LRIG2: variants seen among roughly 807,000 people sequenced by gnomAD.
LRIG2 encodes leucine-rich repeats and immunoglobulin-like domains protein 2.
In LRIG2, 93 loss-of-function variants were observed where a neutral mutation model predicts 107.8. The observed-to-expected ratio is 0.86, with a 90% CI of 0.73 to 1.03. The LOEUF (loss-of-function observed/expected upper bound fraction) is 1.03. Ranked by LOEUF, LRIG2 falls within the 50% of genes least tolerant of loss-of-function variation. The probability of loss-of-function intolerance (pLI) is 0.00; values close to 1 mark genes in which losing one functional copy is unlikely to be tolerated. For missense variants in LRIG2, 1,226 were observed against 1,296.0 expected (o/e 0.95, Z 0.83); for synonymous variants, 471 against 470.6 (o/e 1.00, Z -0.01).
chr1:113,073,889 A>G (rs1652830272), intron 1 of LRIG2, among the ~76,000 whole-genome samples: 1 of 149,090 alleles, frequency 6.7e-6, no homozygotes, highest in Admixed American at 6.9e-5. Flanking sequence ...GGAGTCTGTG[A>G]TTTCCTCAAC....
At chr1:113,082,678 A>G (rs1653341815) in intron 1 of LRIG2, among the ~76,000 whole-genome samples, 1 of 152,060 alleles carries the variant, frequency 6.6e-6, no homozygotes, top group South Asian at 2.1e-4. Flanking sequence ...ATTTGAGACG[A>G]AGTCTCTCTC....
At chr1:113,117,805 A>G (rs1029144489) in intron 16 of LRIG2, among the ~76,000 whole-genome samples, 1 of 151,846 alleles carries the variant, frequency 6.6e-6, no homozygotes, top group Non-Finnish European at 1.5e-5. Flanking sequence ...TTAAAAGAAT[A>G]CTTAAAAGTC....
At chr1:113,120,209 G>A (rs941475416) in intron 17 of LRIG2, among the ~76,000 whole-genome samples, 1 of 151,796 alleles carries the variant, frequency 6.6e-6, no homozygotes, top group Non-Finnish European at 1.5e-5. Flanking sequence ...TAGCACTTTC[G>A]GAGGCCAAAG....
At chr1:113,102,381 G>T (rs754278563) in intron 11 of LRIG2, among the ~76,000 whole-genome samples, 2 of 151,528 alleles carry the variant, frequency 1.3e-5, no homozygotes, top group Non-Finnish European at 2.9e-5. Context: ...TGATTCTCCT[G>T]CCTCAGCCCC....
At chr1:113,110,096 G>T in intron 12 of LRIG2, 146 bp from the exon 13 acceptor site, 1 of 597,122 alleles carries the variant, frequency 1.7e-6, no homozygotes, top group Non-Finnish European at 2.9e-6. Flanking sequence ...TTAAACAAGG[G>T]AATTGGACTG....
chr1:113,085,358 A>AAGC, intron 1 of LRIG2, among the ~76,000 whole-genome samples: 1 of 152,290 alleles, frequency 6.6e-6, no homozygotes, highest in East Asian at 1.9e-4. Context: ...ATCTCTGCTC[A>AAGC]CCGCAACCTC....
intron 16 of LRIG2, among the ~76,000 whole-genome samples, chr1:113,117,582 C>G (rs939179577): frequency 6.6e-6 from 1 of 151,946 alleles, no homozygotes; most frequent in Non-Finnish European, 1.5e-5. Context: ...CTCCCAGGTT[C>G]AAGCGATTCC....
chr1:113,095,040 TCTC>T (rs1653995410), intron 6 of LRIG2, among the ~76,000 whole-genome samples: 1 of 151,638 alleles, frequency 6.6e-6, no homozygotes, highest in Non-Finnish European at 1.5e-5. Context: ...AATGGCGTGA[TCTC>T]AGCTCCTGCA....
At position 113,073,248 on chromosome 1, in the gene LRIG2, T is replaced by G. The variant is rs1290896719; in HGVS notation, c.-159T>G. 11 of 662,130 alleles carry G rather than the reference T, an allele frequency of 1.7e-5. No individual in the cohort carries two copies. The highest frequency in any genetic ancestry group is 2.7e-5 in the Non-Finnish European group (10 of 376,724). The allele number at this position is 662,130 out of a possible 1,614,324, so 41.0% of individuals were successfully genotyped here. On this transcript the variant is annotated 5_prime_UTR_variant, in exon 1 of 18. Transcript: ENST00000361127. ...GTGTCCCAGGCCGTCGACCCCGCTGTCGCGCTGCGTCTGCTCCTTGCATGC... is the reference window on the plus strand; with the variant it reads ...GTGTCCCAGGCCGTCGACCCCGCTGGCGCGCTGCGTCTGCTCCTTGCATGC...
intron 14 of LRIG2, 108 bp from the exon 15 acceptor site, chr1:113,114,319 T>C: frequency 1.5e-6 from 1 of 654,516 alleles, no homozygotes; most frequent in South Asian, 2.0e-5. Context: ...CCCATGAGTA[T>C]ATAAAATTAC....
chr1:113,124,338 T>TA lies in LRIG2; in HGVS notation c.*238dup. 1 of 553,938 alleles carries TA rather than the reference T, an allele frequency of 1.8e-6. No individual in the cohort carries two copies. Among genetic ancestry groups the TA allele is most frequent in the Non-Finnish European group, 3.2e-6 (1 of 308,526 alleles). The allele number at this position is 553,938 out of a possible 1,614,324, so 34.3% of individuals were successfully genotyped here. ...ATGTGCAGCACCGGCAGAGGGAAGA[T>TA]ACGGGGCAAATGTGCTTCCTGATGC... On this transcript the variant is annotated 3_prime_UTR_variant, in exon 18 of 18. Coordinates refer to ENST00000361127, the MANE Select transcript of LRIG2 (RefSeq NM_014813.3).
At chr1:113,119,047 C>T (rs1411896738) in intron 16 of LRIG2, among the ~76,000 whole-genome samples, 186 bp from the exon 17 acceptor site, 2 of 152,164 alleles carry the variant, frequency 1.3e-5, no homozygotes, top group Non-Finnish European at 2.9e-5. Flanking sequence ...ATAATACCTA[C>T]CTCATAGGGA....
intron 9 of LRIG2, among the ~76,000 whole-genome samples, chr1:113,099,440 A>G (rs1055246074): frequency 6.6e-6 from 1 of 150,882 alleles, no homozygotes; most frequent in African/African-American, 2.4e-5. Context: ...GAGTCTCACT[A>G]TATTGCCCAG....
At chr1:113,112,356 C>T (rs1654805539) in intron 13 of LRIG2, 123 bp from the exon 14 acceptor site, 2 of 857,262 alleles carry the variant, frequency 2.3e-6, no homozygotes, top group South Asian at 1.8e-5. Context: ...GAGAGCCTGT[C>T]TTCACAAAGA....
chr1:113,087,083 T>C lies in LRIG2; in HGVS notation c.240-4235T>C, dbSNP rs139649271. ...GCTTGAGCCTGGGAGGTGAAGGCTG[T>C]AGTGAGGTGTGATGTCACCACTGCA... On this transcript the variant is annotated intron_variant, in intron 1 of 17. Coordinates refer to ENST00000361127, the MANE Select transcript of LRIG2 (RefSeq NM_014813.3). 2.6e-3 allele frequency among the ~76,000 whole-genome samples: 397 copies of C among 152,296 alleles called. 2 individuals are homozygous for C. Among genetic ancestry groups the C allele is most frequent in the African/African-American group, 9.0e-3 (375 of 41,578 alleles).
intron 12 of LRIG2, among the ~76,000 whole-genome samples, chr1:113,109,119 AT>A (rs1477837823): frequency 1.3e-5 from 2 of 152,232 alleles, no homozygotes; most frequent in African/African-American, 4.8e-5. Flanking sequence ...AGAAAACAGA[AT>A]CTAGTAAAGG....
intron 4 of LRIG2, among the ~76,000 whole-genome samples, chr1:113,093,789 A>C (rs531919858): frequency 6.6e-6 from 1 of 152,194 alleles, no homozygotes; most frequent in African/African-American, 2.4e-5. Flanking sequence ...TAAATAAATA[A>C]AAATAAAATA....
chr1:113,115,772 CACCTTGGCCTCCCAGAGGGCTGGGATT>C (rs1282766066), intron 15 of LRIG2, among the ~76,000 whole-genome samples: 1 of 152,164 alleles, frequency 6.6e-6, no homozygotes, highest in Non-Finnish European at 1.5e-5. Flanking sequence ...GTGATCCACC[CACCTTGGCCTCCCAGAGGGCTGGGATT>C]ACAAGCGTGA....
intron 1 of LRIG2, among the ~76,000 whole-genome samples, chr1:113,078,734 A>C (rs1485927279): frequency 6.8e-6 from 1 of 147,120 alleles, no homozygotes; most frequent in Non-Finnish European, 1.5e-5. Context: ...TCCACTTCCC[A>C]GGTTCAAACG....
Sources: gnomAD v4.1 joint callset for allele counts (sites outside exome capture counted in the v4.1 genomes callset) on GRCh38, gnomAD v4.1.1 for gene constraint, MANE v1.5 for transcripts, NCBI Gene and HGNC (gene_info 2026-07-23, HGNC 2026-07-21) for gene names.